The following LRMDA variants were observed in gnomAD, a reference collection of about 807,000 sequenced individuals.
LRMDA encodes the protein leucine-rich melanocyte differentiation-associated protein.
Under a neutral mutation model 29.8 loss-of-function variants are expected in LRMDA, and 18 were observed. The observed-to-expected ratio is 0.60, with a 90% CI of 0.42 to 0.90. LRMDA has a LOEUF of 0.90. LRMDA is among the 40% of genes least tolerant of loss of function. LRMDA has a pLI of 0.00. For missense variants in LRMDA, 273 were observed against 273.9 expected (o/e 1.00, Z 0.02); for synonymous variants, 125 against 109.4 (o/e 1.14, Z -0.89).
rs141564855 is a variant in LRMDA at position 75,596,018 on chromosome 10, T to C, written c.131+157524T>C. 2.5e-3 allele frequency among the ~76,000 whole-genome samples: 374 copies of C among 152,352 alleles called. 5 individuals carry two copies. Among genetic ancestry groups the C allele is most frequent in the African/African-American group, 8.9e-3 (369 of 41,576 alleles). On this transcript the variant is annotated intron_variant, in intron 2 of 6. Coordinates refer to ENST00000611255, the MANE Select transcript of LRMDA (RefSeq NM_001305581.2). ...GATCTGCTTTTTTTCGCTATAGCAGTCATCACTTCTAGTGTTGTATGTTTG... is the reference window on the plus strand; with the variant it reads ...GATCTGCTTTTTTTCGCTATAGCAGCCATCACTTCTAGTGTTGTATGTTTG...
At position 75,469,820 on chromosome 10, in the gene LRMDA, C is replaced by T. The variant is rs558553225; in HGVS notation, c.131+31326C>T. 6.2e-4 allele frequency among the ~76,000 whole-genome samples: 94 copies of T among 152,306 alleles called. 2 individuals are homozygous for T. Among genetic ancestry groups the T allele is most frequent in the Admixed American group, 3.3e-4 (5 of 15,300 alleles). On this transcript the variant is annotated intron_variant, in intron 2 of 6. Transcript: ENST00000611255. ...GAGGCCTATGGGTGCACACGGCCTT[C>T]TGGGCCTAGGAACCATAGTAACTGT...
intron 6 of LRMDA, among the ~76,000 whole-genome samples, chr10:76,492,395 A>T (rs1326503086): frequency 6.6e-6 from 1 of 152,038 alleles, no homozygotes; most frequent in Non-Finnish European, 1.5e-5. Context: ...AGCCATATCT[A>T]CATTAAGGAA....
intron 5 of LRMDA, among the ~76,000 whole-genome samples, chr10:76,207,782 G>T (rs2132241315): frequency 6.6e-6 from 1 of 152,158 alleles, no homozygotes; most frequent in South Asian, 2.1e-4. Flanking sequence ...TGGCCATCAT[G>T]GTGGAACCTC....
intron 2 of LRMDA, among the ~76,000 whole-genome samples, chr10:75,642,077 C>T (rs758400633): frequency 5.9e-5 from 9 of 152,090 alleles, no homozygotes; most frequent in Non-Finnish European, 1.2e-4. Context: ...AAGACCATTA[C>T]GTTGGGTTCT....
In LRMDA at chr10:75,947,249, C is replaced by T. The variant is rs527293166; in HGVS notation, c.132-88759C>T. ...GACCTACAAAAATGTCAGTTTTGTG[C>T]GGTTCAACCTAATTCTGGCCTTTTT... On this transcript the variant is annotated intron_variant, in intron 2 of 6. Transcript: ENST00000611255. Among the ~76,000 whole-genome samples the T allele has an allele frequency of 3.3e-5, 5 of 152,290 alleles. No individual in the cohort carries two copies. In the South Asian group the frequency reaches 8.3e-4, roughly 25 times the overall value.
intron 2 of LRMDA, among the ~76,000 whole-genome samples, chr10:75,769,403 A>G (rs1843209145): frequency 1.3e-5 from 2 of 152,364 alleles, no homozygotes; most frequent in South Asian, 4.1e-4. Context: ...ATCACATTTA[A>G]CAGCTGGAAT....
At chr10:75,945,975 C>A (rs1846469326) in intron 2 of LRMDA, among the ~76,000 whole-genome samples, 1 of 152,146 alleles carries the variant, frequency 6.6e-6, no homozygotes, top group African/African-American at 2.4e-5. Context: ...CTATATATCT[C>A]TTTTGTTAGG....
chr10:76,292,604 A>G (rs1195713688), intron 5 of LRMDA, among the ~76,000 whole-genome samples: 4 of 152,186 alleles, frequency 2.6e-5, no homozygotes, highest in Non-Finnish European at 5.9e-5. Flanking sequence ...ACACTGATGA[A>G]ATAATGATAG....
At chr10:76,444,672 G>A (rs969932632) in intron 6 of LRMDA, among the ~76,000 whole-genome samples, 2 of 152,028 alleles carry the variant, frequency 1.3e-5, no homozygotes, top group South Asian at 2.1e-4. Flanking sequence ...CCTATCACAC[G>A]TTGACGAATG....
chr10:76,086,333 A>T (rs1489794545), intron 5 of LRMDA, among the ~76,000 whole-genome samples: 1 of 152,286 alleles, frequency 6.6e-6, no homozygotes, highest in Non-Finnish European at 1.5e-5. Context: ...GGGAATGGCT[A>T]TGTCAATGGG....
intron 6 of LRMDA, among the ~76,000 whole-genome samples, chr10:76,426,112 A>G (rs1842123270): frequency 1.3e-5 from 2 of 152,228 alleles, no homozygotes; most frequent in African/African-American, 2.4e-5. Flanking sequence ...CTTTGGGTAT[A>G]TAGCCAGTAA....
At chr10:76,404,554 G>A (rs574706464) in intron 6 of LRMDA, among the ~76,000 whole-genome samples, 1 of 152,090 alleles carries the variant, frequency 6.6e-6, no homozygotes, top group South Asian at 2.1e-4. Flanking sequence ...ACACTGGCTC[G>A]CTAGCTGTTC....
chr10:76,014,139 TATATAATTA>T (rs1453786297), intron 2 of LRMDA, among the ~76,000 whole-genome samples: 19 of 139,724 alleles, frequency 1.4e-4, no homozygotes, highest in East Asian at 2.1e-4. Context: ...TATATATATA[TATATAATTA>T]TATATATATA....
intron 5 of LRMDA, among the ~76,000 whole-genome samples, chr10:76,224,167 A>G (rs1356751834): frequency 6.6e-6 from 1 of 152,060 alleles, no homozygotes; most frequent in Non-Finnish European, 1.5e-5. Flanking sequence ...CACATATATC[A>G]TTATGTTAAA....
At chr10:75,871,960 A>G (rs1845118880) in intron 2 of LRMDA, among the ~76,000 whole-genome samples, 1 of 152,258 alleles carries the variant, frequency 6.6e-6, no homozygotes, top group African/African-American at 2.4e-5. Flanking sequence ...TTAATGAATG[A>G]GTGAATTGAA....
intron 2 of LRMDA, among the ~76,000 whole-genome samples, chr10:75,554,673 T>A (rs1840192683): frequency 6.6e-6 from 1 of 152,192 alleles, no homozygotes; most frequent in Admixed American, 6.5e-5. Context: ...GAAAGTGGGA[T>A]AGACAATGTG....
At chr10:75,777,375 C>T (rs945504216) in intron 2 of LRMDA, among the ~76,000 whole-genome samples, 2 of 152,224 alleles carry the variant, frequency 1.3e-5, no homozygotes, top group Non-Finnish European at 2.9e-5. Flanking sequence ...TTGGTCCCAT[C>T]TCAGACCAAA....
At chr10:76,299,361 T>C (rs1411486223) in intron 5 of LRMDA, among the ~76,000 whole-genome samples, 1 of 152,190 alleles carries the variant, frequency 6.6e-6, no homozygotes, top group African/African-American at 2.4e-5. Flanking sequence ...TTCCTTTAGA[T>C]GTGAGACTAT....
At chr10:76,383,968 TC>T (rs2132475302) in intron 6 of LRMDA, among the ~76,000 whole-genome samples, 1 of 142,428 alleles carries the variant, frequency 7.0e-6, no homozygotes, top group East Asian at 2.0e-4. Flanking sequence ...CATTTTTTTT[TC>T]TCTCTCTCTT....
Sources: allele counts gnomAD v4.1 joint callset (sites outside exome capture counted in the v4.1 genomes callset), GRCh38; gene constraint gnomAD v4.1.1; transcripts MANE v1.5; gene names NCBI Gene and HGNC (gene_info 2026-07-23, HGNC 2026-07-21).